The following KIRREL1 variants were observed in gnomAD, a reference collection of about 807,000 sequenced individuals.
KIRREL1 encodes the protein kirre like nephrin family adhesion molecule 1.
A neutral mutation model predicts 83.3 loss-of-function variants in KIRREL1; 25 were observed. That is an observed-to-expected ratio of 0.30 (90% confidence interval 0.22 to 0.42). KIRREL1 has a LOEUF of 0.42. Ranked by LOEUF, KIRREL1 falls within the 10% of genes least tolerant of loss-of-function variation. KIRREL1 has a pLI of 1.00. For synonymous variants in KIRREL1, 388 were observed against 410.4 expected (o/e 0.95, Z 0.66); for missense variants, 812 against 1,032.3 (o/e 0.79, Z 2.92).
chr1:158,007,627 G>T (rs913565248), intron 1 of KIRREL1, among the ~76,000 whole-genome samples: 1 of 152,066 alleles, frequency 6.6e-6, no homozygotes, highest in African/African-American at 2.4e-5. Flanking sequence ...TCGTGTGTCT[G>T]GGGGGAGAGT....
intron 6 of KIRREL1, 58 bp downstream of exon 6, chr1:158,087,918 A>C: frequency 6.2e-7 from 1 of 1,607,228 alleles, no homozygotes; most frequent in South Asian, 1.1e-5. Context: ...GTTCGGGGTT[A>C]GAGGCTGTAC....
chr1:158,021,111 G>A (rs1362306422), intron 1 of KIRREL1, among the ~76,000 whole-genome samples: 1 of 152,024 alleles, frequency 6.6e-6, no homozygotes, highest in African/African-American at 2.4e-5. Flanking sequence ...CTGGCATTGA[G>A]GAAGTATCTC....
intron 1 of KIRREL1, among the ~76,000 whole-genome samples, chr1:158,026,228 C>G (rs1279117503): frequency 2.0e-5 from 3 of 152,194 alleles, no homozygotes; most frequent in African/African-American, 7.2e-5. Flanking sequence ...ATGCTTTGCC[C>G]TCTGAATCTC....
intron 1 of KIRREL1, among the ~76,000 whole-genome samples, chr1:158,035,506 T>C (rs1046449225): frequency 1.3e-5 from 2 of 152,160 alleles, no homozygotes; most frequent in African/African-American, 4.8e-5. Context: ...TCATATATAA[T>C]GAGCACCTAT....
chr1:158,089,577 A>C lies in KIRREL1; in HGVS notation c.1120A>C (p.Ile374Leu). 6.2e-7 allele frequency: 1 copy of C among 1,614,034 alleles called. No individual in the cohort carries two copies. The highest frequency in any genetic ancestry group is 8.5e-7 in the Non-Finnish European group (1 of 1,179,952). The stretch of plus-strand genomic sequence containing the variant: ...CGCTGGCACCTACACCTGCCGGGCC[A>C]TCGTGCCTCGAATCGGAGTGGCTGA... ...ADAGTYTCRA[I>L]VPRIGVAERE... Residue 374 changes from isoleucine (I) to leucine (L), a missense_variant, in exon 9 of 15, where the codon ATC becomes CTC. Around this residue, in one of 3 missense-constraint regions of KIRREL1, gnomAD observed 472 missense variants for 626.8 expected, o/e 0.75. Coordinates refer to ENST00000359209, the MANE Select transcript of KIRREL1 (RefSeq NM_018240.7).
At chr1:158,072,271 C>T (rs1396440151) in intron 1 of KIRREL1, among the ~76,000 whole-genome samples, 1 of 152,140 alleles carries the variant, frequency 6.6e-6, no homozygotes, top group Non-Finnish European at 1.5e-5. Context: ...CATGCTCTGC[C>T]TCCTTTTCTG....
chr1:158,076,187 G>C lies in KIRREL1; in HGVS notation c.127G>C (p.Val43Leu). 6.2e-7 allele frequency: 1 copy of C among 1,614,184 alleles called. No homozygotes were observed. The highest frequency in any genetic ancestry group is 8.5e-7 in the Non-Finnish European group (1 of 1,180,000). The change falls in exon 2 of 15, where the codon GTG becomes CTG. Residue 43 changes from valine to leucine, a missense_variant. Coordinates refer to ENST00000359209, the MANE Select transcript of KIRREL1 (RefSeq NM_018240.7). ...TGGACAGCGGGCCGTGCTCCCCTGT[G>C]TGCTGCTCAACTACTCTGGAATTGT... is the stretch of plus-strand genomic sequence containing the variant. Reference protein sequence around the residue: ...VAGQRAVLPCVLLNYSGIVQW... With the variant: ...VAGQRAVLPCLLLNYSGIVQW...
intron 2 of KIRREL1, 150 bp downstream of exon 2, chr1:158,076,412 A>G: frequency 1.4e-6 from 1 of 722,264 alleles, no homozygotes; most frequent in Non-Finnish European, 2.3e-6. Context: ...ACTGAGCTCC[A>G]TTTCTACAGC....
intron 1 of KIRREL1, among the ~76,000 whole-genome samples, chr1:158,069,302 T>TTGTGTGTGTGTG (rs57076623): frequency 2.9e-4 from 41 of 143,372 alleles, no homozygotes; most frequent in Middle Eastern, 3.5e-3. Context: ...TATGACGTAC[T>TTGTGTGTGTGTG]TGTGTGTGTG....
At chr1:158,005,361 G>A (rs1375397183) in intron 1 of KIRREL1, among the ~76,000 whole-genome samples, 1 of 151,876 alleles carries the variant, frequency 6.6e-6, no homozygotes, top group Admixed American at 6.6e-5. Flanking sequence ...CACAGAGCTT[G>A]CCAGCACGCC....
At chr1:158,010,396 TACACACACAC>T (rs56077512) in intron 1 of KIRREL1, among the ~76,000 whole-genome samples, 820 of 44,552 alleles carry the variant, frequency 0.018, 6 homozygotes, top group Middle Eastern at 0.039. Context: ...CACACATGCA[TACACACACAC>T]ACACACACAC....
chr1:158,089,078 A>G (rs1342829875), intron 8 of KIRREL1, among the ~76,000 whole-genome samples: 2 of 152,058 alleles, frequency 1.3e-5, no homozygotes, highest in African/African-American at 4.8e-5. Flanking sequence ...GGAGGTGGGG[A>G]AGCTGAGGCG....
intron 11 of KIRREL1, among the ~76,000 whole-genome samples, chr1:158,091,938 A>G (rs946730969): frequency 6.6e-6 from 1 of 152,220 alleles, no homozygotes; most frequent in Admixed American, 6.5e-5. Flanking sequence ...TGACCTCAAG[A>G]AACTTTCGGT....
At chr1:158,067,869 G>C (rs994447176) in intron 1 of KIRREL1, among the ~76,000 whole-genome samples, 1 of 152,216 alleles carries the variant, frequency 6.6e-6, no homozygotes, top group African/African-American at 2.4e-5. Context: ...AGCCGCTGCA[G>C]CTGGCCTCTG....
intron 1 of KIRREL1, among the ~76,000 whole-genome samples, chr1:158,058,988 G>A (rs985889264): frequency 4.6e-5 from 7 of 152,118 alleles, no homozygotes; most frequent in Non-Finnish European, 1.0e-4. Flanking sequence ...GGCAGGACCC[G>A]GAGGGAGAGA....
intron 1 of KIRREL1, among the ~76,000 whole-genome samples, chr1:157,995,802 G>A (rs1294010394): frequency 2.0e-5 from 3 of 152,032 alleles, no homozygotes; most frequent in Non-Finnish European, 4.4e-5. Context: ...TGGGGTTGGG[G>A]GAGAGGATAC....
chr1:158,023,955 G>A lies in KIRREL1; in HGVS notation c.52+30227G>A, dbSNP rs148291239. Among the ~76,000 whole-genome samples, 7 of 152,134 alleles carry A rather than the reference G, an allele frequency of 4.6e-5. No homozygotes were observed. The East Asian group carries it at 5.8e-4, about 13-fold the overall frequency. ...CAGGGTTTTTATTGTTGTTGTTGTC[G>A]TTGTTTTCTTTTGACGAAGTCTCGC... On this transcript the variant is annotated intron_variant, in intron 1 of 14. Coordinates refer to ENST00000359209, the MANE Select transcript of KIRREL1 (RefSeq NM_018240.7).
chr1:158,086,105 G>A (rs923303863), intron 4 of KIRREL1, among the ~76,000 whole-genome samples: 39 of 152,206 alleles, frequency 2.6e-4, no homozygotes, highest in African/African-American at 9.4e-4. Flanking sequence ...TATTAGTTTC[G>A]GTCCATCAGT....
In KIRREL1 at chr1:158,097,659, G is replaced by A. The variant is rs1343275575; in HGVS notation, c.*2539G>A. ...TGTTGGTGCATCAGAATCTGAATTG[G>A]AACCTACCTGATGGGCCCAGTGGAA... On this transcript the variant is annotated 3_prime_UTR_variant, in exon 15 of 15. Transcript: ENST00000359209. 4 of 153,192 alleles carry A rather than the reference G, an allele frequency of 2.6e-5. No individual in the cohort carries two copies. Among genetic ancestry groups the A allele is most frequent in the African/African-American group, 9.7e-5 (4 of 41,448 alleles). The allele number at this position is 153,192 out of a possible 1,614,324, so 9.5% of individuals were successfully genotyped here. A position where few individuals can be genotyped will look rare whatever the true frequency, so the allele number is the denominator to read the frequency against.
Sources: allele counts gnomAD v4.1 joint callset (sites outside exome capture counted in the v4.1 genomes callset), GRCh38; gene constraint gnomAD v4.1.1; regional missense constraint gnomAD v4.1.1; transcripts MANE v1.5; gene names NCBI Gene and HGNC (gene_info 2026-07-23, HGNC 2026-07-21).